Variants in SNTG1 observed in about 807,000 individuals in gnomAD.
SNTG1 encodes the protein gamma-1-syntrophin.
A neutral mutation model predicts 74.7 loss-of-function variants in SNTG1; 39 were observed. That is an observed-to-expected ratio of 0.52 (90% CI 0.40 to 0.68). The LOEUF (loss-of-function observed/expected upper bound fraction) is 0.68, where lower values mean the gene tolerates loss of function less well. Among genes scored for constraint, SNTG1 ranks in the 30% least tolerant of loss-of-function variants. The pLI, the probability that SNTG1 is intolerant of heterozygous loss-of-function variation, is 0.00. For missense variants in SNTG1, 685 were observed against 609.5 expected (o/e 1.12, Z -1.30); for synonymous variants, 254 against 217.1 (o/e 1.17, Z -1.49).
At chr8:50,420,173 G>A (rs931344753) in intron 4 of SNTG1, among the ~76,000 whole-genome samples, 1 of 152,022 alleles carries the variant, frequency 6.6e-6, no homozygotes, top group African/African-American at 2.4e-5. Flanking sequence ...TATGTATTCT[G>A]GAAATGGAGC....
chr8:50,628,716 C>T (rs1295144065), intron 13 of SNTG1, among the ~76,000 whole-genome samples: 2 of 152,064 alleles, frequency 1.3e-5, no homozygotes, highest in East Asian at 3.8e-4. Flanking sequence ...TACTCTCTTA[C>T]TTGTGGTCTT....
chr8:50,009,018 C>T (rs1815515176), intron 1 of SNTG1, among the ~76,000 whole-genome samples: 1 of 61,652 alleles, frequency 1.6e-5, no homozygotes, highest in Non-Finnish European at 3.2e-5. Flanking sequence ...ATATCCCAGT[C>T]AGTGCTTTAT....
intron 2 of SNTG1, among the ~76,000 whole-genome samples, chr8:50,264,594 A>G (rs1166672002): frequency 6.6e-6 from 1 of 151,478 alleles, no homozygotes; most frequent in Non-Finnish European, 1.5e-5. Context: ...AAGAAGAAAG[A>G]AACCAGAAAA....
chr8:50,781,534 T>G (rs1234286658), intron 18 of SNTG1, among the ~76,000 whole-genome samples: 1 of 152,176 alleles, frequency 6.6e-6, no homozygotes, highest in Admixed American at 6.5e-5. Flanking sequence ...AACTGCTGCC[T>G]TTTTTTGTTT....
intron 1 of SNTG1, among the ~76,000 whole-genome samples, chr8:50,109,803 G>A (rs1008636593): frequency 6.6e-6 from 1 of 152,188 alleles, no homozygotes; most frequent in African/African-American, 2.4e-5. Flanking sequence ...TCTGAAAGGT[G>A]AGGCAGAGTG....
intron 1 of SNTG1, among the ~76,000 whole-genome samples, chr8:50,084,574 T>C (rs1822706243): frequency 6.6e-6 from 1 of 152,256 alleles, no homozygotes; most frequent in Admixed American, 6.5e-5. Flanking sequence ...GTTTATTTCA[T>C]GACTTAGATG....
Position 50,794,445 on chromosome 8 carries a change from C to T in SNTG1, c.*1616C>T, listed in dbSNP as rs187410783. 6.6e-6 allele frequency: 1 copy of T among 151,964 alleles called. No individual in the cohort carries two copies. The highest frequency in any genetic ancestry group is 6.6e-5 in the Admixed American group (1 of 15,204). The allele number at this position is 151,964 out of a possible 1,614,324, so 9.4% of individuals were successfully genotyped here. On this transcript the variant is annotated 3_prime_UTR_variant, in exon 19 of 19. Transcript: ENST00000642720. ...AAATGTTAAACTGAATCTAACATAC[C>T]TTACCCAAAGAACTGTGGCAAATTA...
At chr8:50,230,420 A>G (rs770109873) in intron 2 of SNTG1, among the ~76,000 whole-genome samples, 4 of 151,388 alleles carry the variant, frequency 2.6e-5, no homozygotes, top group Non-Finnish European at 5.9e-5. Flanking sequence ...GAGTAATACT[A>G]TATGTATAGC....
chr8:50,329,881 C>T (rs2090896230), intron 2 of SNTG1, among the ~76,000 whole-genome samples: 1 of 152,066 alleles, frequency 6.6e-6, no homozygotes, highest in Non-Finnish European at 1.5e-5. Context: ...CCTTTTTAAA[C>T]ATAAGTTCCA....
intron 17 of SNTG1, 44 bp from the exon 18 acceptor site, chr8:50,751,957 A>G (rs2095568394): frequency 8.5e-7 from 1 of 1,175,964 alleles, no homozygotes; most frequent in Non-Finnish European, 1.2e-6. Context: ...TTGAAAGCAG[A>G]TATTAATTCC....
chr8:50,701,750 TCTTCTC>T (rs369247422), intron 15 of SNTG1, among the ~76,000 whole-genome samples: 38,182 of 144,264 alleles, frequency 0.26, 5,891 homozygotes, highest in African/African-American at 0.41. Context: ...TTCTTCTCCT[TCTTCTC>T]CTTCTTCTTC....
chr8:50,555,331 T>C (rs891102391), intron 12 of SNTG1, among the ~76,000 whole-genome samples: 2 of 152,222 alleles, frequency 1.3e-5, no homozygotes, highest in African/African-American at 2.4e-5. Context: ...AAGTATTAGG[T>C]TCCAATGTAT....
intron 1 of SNTG1, among the ~76,000 whole-genome samples, chr8:49,972,641 A>G (rs1811802280): frequency 6.7e-6 from 1 of 148,346 alleles, no homozygotes. Context: ...AATATCCAGA[A>G]TCTACAATGA....
chr8:50,514,333 A>G (rs1028965416), intron 9 of SNTG1, among the ~76,000 whole-genome samples: 19 of 152,198 alleles, frequency 1.2e-4, no homozygotes, highest in Non-Finnish European at 2.6e-4. Flanking sequence ...ATTTTGCAAC[A>G]TAATGCTTTA....
rs372875759 is a variant in SNTG1 at position 50,361,555 on chromosome 8, G to A, written c.-27-32657G>A. On this transcript the variant is annotated intron_variant, in intron 2 of 18. Transcript: ENST00000642720. Reference sequence around the variant, plus strand: ...GGATCTCTCTAGGCTGCCCAGACGGGACTCAAAGTCGCTGGGATTACAGGT... The same window carrying A: ...GGATCTCTCTAGGCTGCCCAGACGGAACTCAAAGTCGCTGGGATTACAGGT... Among the ~76,000 whole-genome samples the A allele has an allele frequency of 1.0e-3, 157 of 152,226 alleles. 1 individual carries two copies. Among genetic ancestry groups the A allele is most frequent in the African/African-American group, 3.3e-3 (138 of 41,524 alleles).
At chr8:50,566,282 T>C (rs1320395484) in intron 12 of SNTG1, among the ~76,000 whole-genome samples, 1 of 152,016 alleles carries the variant, frequency 6.6e-6, no homozygotes, top group Non-Finnish European at 1.5e-5. Context: ...AGGGCAAATC[T>C]GCATATAGTC....
intron 9 of SNTG1, among the ~76,000 whole-genome samples, chr8:50,511,896 G>T (rs944749647): frequency 2.0e-5 from 3 of 152,040 alleles, no homozygotes; most frequent in African/African-American, 7.2e-5. Context: ...CTTTTAATTG[G>T]AGCATTTAGC....
intron 1 of SNTG1, among the ~76,000 whole-genome samples, chr8:50,076,389 G>T (rs1821892920): frequency 6.6e-6 from 1 of 152,122 alleles, no homozygotes; most frequent in Non-Finnish European, 1.5e-5. Context: ...GACAATGTAG[G>T]TTCTATAAAA....
intron 4 of SNTG1, among the ~76,000 whole-genome samples, chr8:50,404,614 A>G (rs1186459018): frequency 2.6e-5 from 4 of 151,676 alleles, no homozygotes; most frequent in African/African-American, 7.3e-5. Flanking sequence ...CCACTCTTAT[A>G]TGGTCAGTTA....
Sources: allele counts gnomAD v4.1 joint callset (sites outside exome capture counted in the v4.1 genomes callset), GRCh38; gene constraint gnomAD v4.1.1; transcripts MANE v1.5; gene names NCBI Gene and HGNC (gene_info 2026-07-23, HGNC 2026-07-21).